FAT3: variants seen among roughly 807,000 people sequenced by gnomAD.
FAT3 encodes the protein FAT atypical cadherin 3.
In FAT3, 95 loss-of-function variants were observed where a neutral mutation model predicts 310.2. The ratio of observed to expected loss-of-function variants is 0.31; its 90% CI spans 0.26 to 0.36. The LOEUF (loss-of-function observed/expected upper bound fraction) is 0.36. FAT3 is among the 10% of genes least tolerant of loss of function. The pLI is 1.00. For synonymous variants in FAT3, 2,314 were observed against 2,192.9 expected, an observed-to-expected ratio of 1.06 and a Z score of -1.54; for missense variants, 5,408 against 5,715.6, an observed-to-expected ratio of 0.95 and a Z score of 1.74.
chr11:92,826,533 G>C (rs994640617), intron 13 of FAT3, among the ~76,000 whole-genome samples: 8 of 152,190 alleles, frequency 5.3e-5, no homozygotes, highest in Non-Finnish European at 1.2e-4. Flanking sequence ...GTGGATCCAT[G>C]AAGGTAGACA....
intron 2 of FAT3, among the ~76,000 whole-genome samples, chr11:92,359,545 T>C (rs1948824857): frequency 6.6e-6 from 1 of 151,292 alleles, no homozygotes; most frequent in Non-Finnish European, 1.5e-5. Flanking sequence ...TAGTTACATA[T>C]GTATACATGT....
chr11:92,324,410 T>C (rs1947712392), intron 1 of FAT3, among the ~76,000 whole-genome samples: 1 of 152,160 alleles, frequency 6.6e-6, no homozygotes, highest in Non-Finnish European at 1.5e-5. Context: ...GGGTTATTAA[T>C]TGGCTGAATT....
chr11:92,779,757 G>A (rs1396055808), intron 7 of FAT3, among the ~76,000 whole-genome samples: 1 of 152,108 alleles, frequency 6.6e-6, no homozygotes, highest in Non-Finnish European at 1.5e-5. Context: ...ACACAGAGAG[G>A]ATCCTGGAGT....
chr11:92,518,480 G>C (rs925759276), intron 2 of FAT3, among the ~76,000 whole-genome samples: 2 of 152,010 alleles, frequency 1.3e-5, no homozygotes, highest in African/African-American at 4.8e-5. Flanking sequence ...ATGGACACAG[G>C]GAGGGTAACA....
intron 20 of FAT3, among the ~76,000 whole-genome samples, chr11:92,858,582 G>A (rs924372920): frequency 3.3e-5 from 5 of 152,110 alleles, no homozygotes; most frequent in East Asian, 1.9e-4. Context: ...TTGAGCAATC[G>A]AGTTGGACAA....
At chr11:92,561,122 G>A (rs1955209854) in intron 3 of FAT3, among the ~76,000 whole-genome samples, 3 of 152,146 alleles carry the variant, frequency 2.0e-5, no homozygotes, top group Non-Finnish European at 4.4e-5. Context: ...GCCTGTCTGA[G>A]GCACTTGCAA....
chr11:92,425,288 A>C (rs992518019), intron 2 of FAT3, among the ~76,000 whole-genome samples: 5 of 152,062 alleles, frequency 3.3e-5, no homozygotes, highest in African/African-American at 1.2e-4. Context: ...TTGGGTCCTG[A>C]GATTGGTCAG....
chr11:92,372,376 G>A lies in FAT3; in HGVS notation c.3292+16972G>A, dbSNP rs1001497151. Among the ~76,000 whole-genome samples the A allele has an allele frequency of 4.6e-5, 7 of 151,878 alleles. No individual in the cohort carries two copies. In the East Asian group the frequency reaches 1.4e-3, roughly 29 times the overall value. On this transcript the variant is annotated intron_variant, in intron 2 of 27. Coordinates refer to ENST00000525166, the MANE Select transcript of FAT3 (RefSeq NM_001367949.2). Reference sequence around the variant, plus strand: ...TACAGGTTGGCCTGAGCAGATCTCGGTGTTGCACAAACTGGACCTGGAAAG... The same window carrying A: ...TACAGGTTGGCCTGAGCAGATCTCGATGTTGCACAAACTGGACCTGGAAAG...
chr11:92,780,829 A>G (rs891143041), intron 7 of FAT3, among the ~76,000 whole-genome samples: 1 of 152,130 alleles, frequency 6.6e-6, no homozygotes, highest in Non-Finnish European at 1.5e-5. Context: ...TCTAACTTCA[A>G]CCCACTGAGC....
intron 2 of FAT3, chr11:92,406,733 A>G (rs902226073): frequency 5.3e-5 from 8 of 152,138 alleles, no homozygotes; most frequent in Non-Finnish European, 1.0e-4. Flanking sequence ...TTAGATTTCA[A>G]CTCCTTTCCA....
intron 2 of FAT3, among the ~76,000 whole-genome samples, chr11:92,457,830 GA>G (rs1951532650): frequency 6.6e-6 from 1 of 152,168 alleles, no homozygotes. Flanking sequence ...GCTGAGGCAG[GA>G]GAATTGCTTG....
rs76944143 is a variant in FAT3, at chr11:92,873,222, G to T, written c.12127+6013G>T. Among the ~76,000 whole-genome samples the T allele has an allele frequency of 7.9e-3, 1,205 of 152,206 alleles. 13 individuals are homozygous for T. The highest frequency in any genetic ancestry group is 0.028 in the African/African-American group (1,144 of 41,502). ...AGATAAAATAAGGAAGTTCCTAGAG[G>T]TCAGGCCATGGTCACACCCAGGTAG... On this transcript the variant is annotated intron_variant, in intron 22 of 27. Coordinates refer to ENST00000525166, the MANE Select transcript of FAT3 (RefSeq NM_001367949.2).
intron 2 of FAT3, among the ~76,000 whole-genome samples, chr11:92,505,240 T>G (rs1953064538): frequency 1.3e-5 from 2 of 152,084 alleles, no homozygotes; most frequent in African/African-American, 4.8e-5. Context: ...CATCAGATCA[T>G]GTATGGGCCA....
chr11:92,293,781 C>A lies in FAT3; in HGVS notation c.-17-58315C>A, dbSNP rs548753388. Among the ~76,000 whole-genome samples the A allele has an allele frequency of 2.8e-4, 42 of 151,748 alleles. 1 individual carries two copies. The South Asian group carries it at 8.1e-3, about 29-fold the overall frequency. ...TGTTGATAGTAATAATACATCACAG[C>A]TTTGCTTTCATAAGGATCTTTTATT... On this transcript the variant is annotated intron_variant, in intron 1 of 27. Transcript: ENST00000525166.
Position 92,524,871 on chromosome 11 carries a change from C to G in FAT3, c.3530C>G (p.Ser1177Cys), listed in dbSNP as rs1194352424. ...CAGATCCAGGCTGAAGATCCTGACTCCAGTTCCAATGAAAAACTGACATAC... is the reference window on the plus strand; with the variant it reads ...CAGATCCAGGCTGAAGATCCTGACTGCAGTTCCAATGAAAAACTGACATAC... ...VIQIQAEDPD[S>C]SSNEKLTYRI... The change falls in exon 3 of 28, where the codon TCC (serine) becomes TGC (cysteine). Residue 1177 changes from serine (S) to cysteine (C), a missense_variant. Around this residue, in one of 5 missense-constraint regions of FAT3, gnomAD observed 4,588 missense variants for 4,809.8 expected, o/e 0.95. Transcript: ENST00000525166. The G allele has an allele frequency of 4.3e-6, 7 of 1,613,668 alleles. No homozygotes were observed. Among genetic ancestry groups the G allele is most frequent in the African/African-American group, 4.0e-5 (3 of 74,880 alleles).
chr11:92,581,971 C>G (rs1356607721), intron 3 of FAT3, among the ~76,000 whole-genome samples: 1 of 152,028 alleles, frequency 6.6e-6, no homozygotes, highest in Non-Finnish European at 1.5e-5. Flanking sequence ...GCTTCATAGA[C>G]AGAGCAGCCC....
At position 92,444,670 on chromosome 11, in the gene FAT3, GAA is replaced by G. The variant is rs376452922; in HGVS notation, c.3293-79961_3293-79960del. On this transcript the variant is annotated intron_variant, in intron 2 of 27. Transcript: ENST00000525166. ...TTAATGGATATTACTGGGGGGGGGG[GAA>G]AACATACAGTTTATATTATTTTCTT... 1.6e-4 allele frequency among the ~76,000 whole-genome samples: 21 copies of G among 131,834 alleles called. No individual in the cohort carries two copies. In the East Asian group the frequency reaches 3.3e-3, roughly 21 times the overall value. The allele number at this position is 131,834 out of a possible 152,430, so 86.5% of individuals were successfully genotyped here.
intron 1 of FAT3, among the ~76,000 whole-genome samples, chr11:92,287,177 A>G (rs1946580807): frequency 6.6e-6 from 1 of 152,206 alleles, no homozygotes; most frequent in Non-Finnish European, 1.5e-5. Flanking sequence ...ACTGAAGAAT[A>G]AAAACAATCA....
chr11:92,252,500 A>T (rs1294888618), intron 1 of FAT3, among the ~76,000 whole-genome samples: 1 of 152,134 alleles, frequency 6.6e-6, no homozygotes, highest in Non-Finnish European at 1.5e-5. Flanking sequence ...TAGGAGTCCT[A>T]TGCTTACGGT....
Sources: allele counts gnomAD v4.1 joint callset (sites outside exome capture counted in the v4.1 genomes callset), GRCh38; gene constraint gnomAD v4.1.1; regional missense constraint gnomAD v4.1.1; transcripts MANE v1.5; gene names NCBI Gene and HGNC (gene_info 2026-07-23, HGNC 2026-07-21).